Variants in FGF12 observed in about 807,000 individuals in gnomAD.
FGF12 encodes the protein fibroblast growth factor 12B.
In FGF12, 14 loss-of-function variants were observed where a neutral mutation model predicts 23.6. The observed-to-expected ratio is 0.59, with a 90% CI of 0.39 to 0.93. The LOEUF is 0.93. Among genes scored for constraint, FGF12 ranks in the 40% least tolerant of loss-of-function variants. FGF12 has a pLI of 0.00. For synonymous variants in FGF12, 62 were observed against 77.3 expected (o/e 0.80, Z 1.04); for missense variants, 175 against 217.8 (o/e 0.80, Z 1.24).
intron 2 of FGF12, among the ~76,000 whole-genome samples, chr3:192,717,309 T>C (rs6777896): frequency 0.36 from 55,336 of 152,050 alleles, 13,035 homozygotes; most frequent in African/African-American, 0.66. Context: ...ATCTCTATGC[T>C]TGACTTTTCT....
chr3:192,597,367 G>A (rs568554696), intron 2 of FGF12, among the ~76,000 whole-genome samples: 25 of 152,232 alleles, frequency 1.6e-4, no homozygotes, highest in Middle Eastern at 3.4e-3. Context: ...GTTTTCCATT[G>A]ACTAGTACAC....
chr3:192,495,029 T>A (rs9847869), intron 2 of FGF12, among the ~76,000 whole-genome samples: 124,848 of 151,880 alleles, frequency 0.82, 52,197 homozygotes, highest in Non-Finnish European at 0.9. Context: ...CCCGGCCAAT[T>A]TTTGTATTTT....
intron 2 of FGF12, among the ~76,000 whole-genome samples, chr3:192,715,915 A>G (rs1718851631): frequency 6.6e-6 from 1 of 152,240 alleles, no homozygotes. Flanking sequence ...GTTGTGGATA[A>G]TGCTGGGCTA....
intron 4 of FGF12, among the ~76,000 whole-genome samples, chr3:192,217,534 G>A (rs1045232518): frequency 2.6e-5 from 4 of 152,106 alleles, no homozygotes; most frequent in Non-Finnish European, 5.9e-5. Flanking sequence ...AAAACACATG[G>A]AGCTGTAAAA....
intron 4 of FGF12, among the ~76,000 whole-genome samples, chr3:192,306,164 TA>T (rs559341123): frequency 4.1e-4 from 63 of 152,308 alleles, no homozygotes; most frequent in African/African-American, 1.5e-3. Flanking sequence ...TTTTAAATTT[TA>T]AAAATGTACA....
At chr3:192,472,428 C>T (rs1027327882) in intron 2 of FGF12, among the ~76,000 whole-genome samples, 4 of 152,130 alleles carry the variant, frequency 2.6e-5, no homozygotes, top group African/African-American at 9.7e-5. Context: ...TGGAATGAAA[C>T]TTAACATTTC....
Position 192,408,660 on chromosome 3 carries a change from T to TC in FGF12, c.14-48123dup, listed in dbSNP as rs1721069581. ...GGAGAGGCGCAAGCGTTGTAAGGTG[T>TC]CCAAAGTATACCTACACATACATAC... On this transcript the variant is annotated intron_variant, in intron 2 of 5. Coordinates refer to ENST00000445105, the MANE Select transcript of FGF12 (RefSeq NM_004113.6). This position sits in a 1 kb window ranked among gnomAD's most constrained non-coding sequence, Gnocchi z 7.3. The TC allele has an allele frequency of 2.9e-6, 3 of 1,018,422 alleles. No individual in the cohort carries two copies. In the Admixed American group the frequency reaches 1.6e-4, roughly 53 times the overall value. The allele number at this position is 1,018,422 out of a possible 1,614,324, so 63.1% of individuals were successfully genotyped here.
chr3:192,270,898 G>T (rs1713396204), intron 4 of FGF12, among the ~76,000 whole-genome samples: 1 of 152,058 alleles, frequency 6.6e-6, no homozygotes, highest in South Asian at 2.1e-4. Context: ...GGTGTTGGTG[G>T]ATGTTAGAAT....
At chr3:192,187,911 C>A (rs2108643217) in intron 4 of FGF12, among the ~76,000 whole-genome samples, 1 of 152,176 alleles carries the variant, frequency 6.6e-6, no homozygotes, top group South Asian at 2.1e-4. Context: ...ACTGTGGTTA[C>A]CATATCACGG....
intron 4 of FGF12, among the ~76,000 whole-genome samples, chr3:192,298,501 C>T (rs1449977563): frequency 6.6e-6 from 1 of 152,052 alleles, no homozygotes; most frequent in African/African-American, 2.4e-5. Context: ...CTGTAATATC[C>T]CAGCATTTCG....
chr3:192,488,731 T>G (rs942139383), intron 2 of FGF12, among the ~76,000 whole-genome samples: 32 of 152,206 alleles, frequency 2.1e-4, no homozygotes, highest in African/African-American at 7.5e-4. Context: ...ACGGAATTTA[T>G]AGACTAACCT....
intron 2 of FGF12, among the ~76,000 whole-genome samples, chr3:192,403,138 T>C (rs1305211230): frequency 6.6e-6 from 1 of 152,198 alleles, no homozygotes; most frequent in Non-Finnish European, 1.5e-5. Context: ...ATTTATTCTC[T>C]CACCAAGAAT....
chr3:192,198,506 T>C (rs1022601519), intron 4 of FGF12, among the ~76,000 whole-genome samples: 3 of 152,186 alleles, frequency 2.0e-5, no homozygotes, highest in Admixed American at 2.0e-4. Flanking sequence ...TGACCTCACT[T>C]ATTCAGCCAT....
At chr3:192,305,597 T>C (rs1452734470) in intron 4 of FGF12, among the ~76,000 whole-genome samples, 1 of 145,108 alleles carries the variant, frequency 6.9e-6, no homozygotes, top group South Asian at 2.2e-4. Context: ...AAGTCTTAAA[T>C]AGAAATTCTA....
chr3:192,225,101 A>T (rs957896971), intron 4 of FGF12, among the ~76,000 whole-genome samples: 1 of 152,024 alleles, frequency 6.6e-6, no homozygotes, highest in Non-Finnish European at 1.5e-5. Context: ...ATTTCACATT[A>T]AAAAAAGTAT....
chr3:192,512,840 ATAT>A lies in FGF12; in HGVS notation c.14-152305_14-152303del, dbSNP rs1419164817. ...ACCTAGAGTATACTCAAATAAATAT[ATAT>A]ATATATATATATATATAACAGGCTA... is the stretch of plus-strand genomic sequence containing the variant. On this transcript the variant is annotated intron_variant, in intron 2 of 5. Transcript: ENST00000445105. 1.2e-3 allele frequency among the ~76,000 whole-genome samples: 140 copies of A among 119,142 alleles called. 13 individuals carry two copies. Among genetic ancestry groups the A allele is most frequent in the Non-Finnish European group, 1.7e-3 (93 of 55,568 alleles). The allele number at this position is 119,142 out of a possible 152,430, so 78.2% of individuals were successfully genotyped here. A position where few individuals can be genotyped will look rare whatever the true frequency, so the allele number is the denominator to read the frequency against.
At chr3:192,499,517 T>TATATATATATATATATA (rs57936647) in intron 2 of FGF12, among the ~76,000 whole-genome samples, 2 of 20,074 alleles carry the variant, frequency 1.0e-4, no homozygotes, top group African/African-American at 4.1e-4. Flanking sequence ...TATATATATA[T>TATATATATATATATATA]TTTTTTTTTT....
chr3:192,401,043 G>T (rs1404109373), intron 2 of FGF12, among the ~76,000 whole-genome samples: 1 of 152,124 alleles, frequency 6.6e-6, no homozygotes, highest in Non-Finnish European at 1.5e-5. Context: ...GTATTTAGAA[G>T]TTACAATGAA....
At chr3:192,638,937 A>G (rs1715685019) in intron 2 of FGF12, among the ~76,000 whole-genome samples, 1 of 152,250 alleles carries the variant, frequency 6.6e-6, no homozygotes, top group Non-Finnish European at 1.5e-5. Flanking sequence ...TAAAAGATGT[A>G]GAAATTCACT....
Sources: gnomAD v4.1 joint callset for allele counts (sites outside exome capture counted in the v4.1 genomes callset) on GRCh38, gnomAD v4.1.1 for gene constraint, Gnocchi (gnomAD v3.1) non-coding constraint, MANE v1.5 for transcripts, NCBI Gene and HGNC (gene_info 2026-07-23, HGNC 2026-07-21) for gene names.